Variants in TMEM50B observed in about 807,000 individuals in gnomAD.
TMEM50B encodes transmembrane protein 50B.
In TMEM50B, 14 loss-of-function variants were observed where a neutral mutation model predicts 23.4. The ratio of observed to expected loss-of-function variants is 0.60; its 90% CI spans 0.39 to 0.93. TMEM50B has a LOEUF of 0.93. Among genes scored for constraint, TMEM50B ranks in the 40% least tolerant of loss-of-function variants. The pLI, the probability that TMEM50B is intolerant of heterozygous loss-of-function variation, is 0.00. For synonymous variants in TMEM50B, 64 were observed against 62.3 expected (o/e 1.03, Z -0.13); for missense variants, 159 against 193.0 (o/e 0.82, Z 1.04).
intron 7 of TMEM50B, among the ~76,000 whole-genome samples, chr21:33,441,970 T>C (rs2084012655): frequency 6.6e-6 from 1 of 151,636 alleles, no homozygotes; most frequent in Non-Finnish European, 1.5e-5. Context: ...TGCATGAGAA[T>C]CCTTCATGGC....
intron 5 of TMEM50B, 94 bp downstream of exon 5, chr21:33,460,319 C>T (rs2084205808): frequency 1.3e-6 from 1 of 790,276 alleles, no homozygotes; most frequent in Non-Finnish European, 2.2e-6. Context: ...TCTAAGTGAA[C>T]AATTATACTA....
intron 5 of TMEM50B, chr21:33,456,128 A>C: frequency 1.9e-6 from 1 of 522,388 alleles, no homozygotes; most frequent in East Asian, 5.4e-5. Context: ...AACATACAAA[A>C]TAAATTCTTG....
rs183982528 is a variant in TMEM50B, at chr21:33,474,242, G to A, written c.-41-5316C>T. Among the ~76,000 whole-genome samples the A allele has an allele frequency of 1.0e-3, 159 of 152,014 alleles. 1 individual carries two copies. The highest frequency in any genetic ancestry group is 3.6e-3 in the African/African-American group (148 of 41,468). On this transcript the variant is annotated intron_variant, in intron 1 of 6. Coordinates refer to ENST00000542230, the MANE Select transcript of TMEM50B (RefSeq NM_006134.7). The stretch of plus-strand genomic sequence containing the variant: ...AAGAGAGACAGGGTTTCACCCAGTT[G>A]TCCAAGCTGGTCTTAAACTCCTGAA...
intron 8 of TMEM50B, among the ~76,000 whole-genome samples, chr21:33,434,716 C>A (rs1258765572): frequency 6.6e-6 from 1 of 152,050 alleles, no homozygotes; most frequent in South Asian, 2.1e-4. Context: ...CCTTCATCTG[C>A]CATGATGTAT....
At chr21:33,440,164 GT>G (rs972917866) in intron 7 of TMEM50B, among the ~76,000 whole-genome samples, 2 of 152,210 alleles carry the variant, frequency 1.3e-5, no homozygotes, top group Non-Finnish European at 2.9e-5. Flanking sequence ...CCCATTCCCT[GT>G]TTTTGTAAAA....
chr21:33,436,464 T>C (rs1207863474), intron 8 of TMEM50B, among the ~76,000 whole-genome samples: 2 of 152,236 alleles, frequency 1.3e-5, no homozygotes, highest in Admixed American at 1.3e-4. Flanking sequence ...GGCTCACGCC[T>C]ATAATCCCAG....
At chr21:33,457,071 A>G (rs954031636) in intron 5 of TMEM50B, among the ~76,000 whole-genome samples, 1 of 152,040 alleles carries the variant, frequency 6.6e-6, no homozygotes, top group African/African-American at 2.4e-5. Flanking sequence ...CCTGGCCAAC[A>G]TGGGGAAACC....
chr21:33,478,688 T>A (rs1050939686), intron 1 of TMEM50B: 9 of 452,644 alleles, frequency 2.0e-5, no homozygotes, highest in Non-Finnish European at 4.5e-6. Flanking sequence ...TCCAGCGCGA[T>A]AAATATTCAA....
chr21:33,432,622 A>C (rs1178403531), exon 9 of TMEM50B: 2 of 1,398,914 alleles, frequency 1.4e-6, no homozygotes, highest in African/African-American at 2.8e-5. Context: ...CTAGGACAGG[A>C]ATGCTCTTTA....
intron 7 of TMEM50B, among the ~76,000 whole-genome samples, chr21:33,440,906 C>T (rs552474420): frequency 1.3e-5 from 2 of 151,760 alleles, no homozygotes; most frequent in Admixed American, 6.6e-5. Flanking sequence ...AATAAAATAA[C>T]GTCTCTGTCC....
chr21:33,453,258 G>A (rs1263763465), intron 6 of TMEM50B, among the ~76,000 whole-genome samples: 2 of 151,798 alleles, frequency 1.3e-5, no homozygotes, highest in Non-Finnish European at 2.9e-5. Context: ...CCCAGCTAAT[G>A]TCTGTATTTT....
At chr21:33,468,336 A>C (rs903056033) in intron 2 of TMEM50B, 2 of 153,396 alleles carry the variant, frequency 1.3e-5, no homozygotes, top group African/African-American at 2.4e-5. Context: ...GGGGAAACAG[A>C]GATGGTATTT....
At chr21:33,448,952 A>C (rs2084092214), downstream of TMEM50B, 1 of 152,260 alleles carries the variant, frequency 6.6e-6, no homozygotes, top group South Asian at 2.1e-4. Context: ...AATAGAAAAA[A>C]ACAGCCACCA....
chr21:33,442,826 C>A lies in TMEM50B; in HGVS notation c.*2037-3529G>T, dbSNP rs113134137. 5.0e-3 allele frequency among the ~76,000 whole-genome samples: 756 copies of A among 152,050 alleles called. 13 individuals carry two copies. The highest frequency in any genetic ancestry group is 0.017 in the African/African-American group (716 of 41,486). On this transcript the variant is annotated intron_variant and NMD_transcript_variant, in intron 7 of 8. Transcript: ENST00000420455. ...GTTCCAGCTACTCAGTAGGTTAAGG[C>A]ATGAGAATCGCTTGAACCTGGGAGG... is the stretch of plus-strand genomic sequence containing the variant.
chr21:33,455,031 C>T (rs1282154392), intron 6 of TMEM50B, among the ~76,000 whole-genome samples: 2 of 152,122 alleles, frequency 1.3e-5, no homozygotes, highest in Non-Finnish European at 2.9e-5. Flanking sequence ...GCATGGGAAT[C>T]GCCTGAGTCC....
At chr21:33,470,368 TAAGCCAA>T (rs2084302169) in intron 1 of TMEM50B, among the ~76,000 whole-genome samples, 3 of 122,576 alleles carry the variant, frequency 2.4e-5, no homozygotes, top group East Asian at 2.4e-4. Flanking sequence ...AAGGTTGCAG[TAAGCCAA>T]GATTGTGCCA....
At chr21:33,476,856 G>T (rs987401363) in intron 1 of TMEM50B, among the ~76,000 whole-genome samples, 1 of 150,562 alleles carries the variant, frequency 6.6e-6, no homozygotes, top group East Asian at 1.9e-4. Flanking sequence ...TTATCTACTT[G>T]AAACTTACCC....
chr21:33,468,896 T>C lies in TMEM50B; in HGVS notation c.-11A>G, dbSNP rs2084288291. On this transcript the variant is annotated 5_prime_UTR_variant, in exon 2 of 7. Coordinates refer to ENST00000542230, the MANE Select transcript of TMEM50B (RefSeq NM_006134.7). ...TAGGAAGCCTGCCATTTTTACTTCTTAAGCATAAATTTTTCATTAAATGCT... is the reference window on the plus strand; with the variant it reads ...TAGGAAGCCTGCCATTTTTACTTCTCAAGCATAAATTTTTCATTAAATGCT... 6.2e-7 allele frequency: 1 copy of C among 1,604,918 alleles called. No individual in the cohort carries two copies.
downstream of TMEM50B, among the ~76,000 whole-genome samples, chr21:33,446,512 C>T (rs972389978): frequency 1.3e-5 from 2 of 151,262 alleles, no homozygotes; most frequent in African/African-American, 2.4e-5. Flanking sequence ...ACTGGGAGTA[C>T]AGGCGAGAGC....
Sources: gnomAD v4.1 joint callset for allele counts (sites outside exome capture counted in the v4.1 genomes callset) on GRCh38, gnomAD v4.1.1 for gene constraint, MANE v1.5 for transcripts, NCBI Gene and HGNC (gene_info 2026-07-23, HGNC 2026-07-21) for gene names.